Variants in RTN4RL1 observed in about 807,000 individuals in gnomAD.
The protein encoded by RTN4RL1 is reticulon-4 receptor-like 1.
In RTN4RL1, 7 loss-of-function variants were observed where a neutral mutation model predicts 25.6. That is an observed-to-expected ratio of 0.27 (90% CI 0.16 to 0.51). The LOEUF (loss-of-function observed/expected upper bound fraction) is 0.51, where lower values mean the gene tolerates loss of function less well. Ranked by LOEUF, RTN4RL1 falls within the 20% of genes least tolerant of loss-of-function variation. The pLI, the probability that RTN4RL1 is intolerant of heterozygous loss-of-function variation, is 0.97. For synonymous variants in RTN4RL1, 297 were observed against 288.2 expected (o/e 1.03, Z -0.31); for missense variants, 500 against 615.6 (o/e 0.81, Z 1.99).
rs148191398 is a variant in RTN4RL1 at position 1,936,786 on chromosome 17, G to A, written c.1036C>T (p.Arg346Trp). The change falls in exon 2 of 2, where the codon CGG (arginine) becomes TGG (tryptophan). Residue 346 changes from arginine to tryptophan, a missense_variant. Physicochemically the swap from Arg to Trp is moderately radical, Grantham distance 101 (BLOSUM62 -3). Transcript: ENST00000331238. ...TRSKGHPHGP[R>W]PGHRKPGKNC... ...TTCCCCGGCTTCCTGTGGCCGGGCC[G>A]GGGGCCGTGCGGGTGGCCCTTGCTC... is the stretch of plus-strand genomic sequence containing the variant. The A allele has an allele frequency of 3.7e-5, 59 of 1,588,296 alleles. No individual in the cohort carries two copies. The Middle Eastern group carries it at 6.8e-4, about 18-fold the overall frequency.
chr17:1,959,399 A>ACC (rs1164255382), intron 1 of RTN4RL1, among the ~76,000 whole-genome samples: 4 of 151,908 alleles, frequency 2.6e-5, no homozygotes, highest in Admixed American at 6.6e-5. Context: ...CTCTTCAGAG[A>ACC]CCTGGCTCTG....
chr17:2,021,176 G>T (rs1218843555), intron 1 of RTN4RL1, among the ~76,000 whole-genome samples: 2 of 152,158 alleles, frequency 1.3e-5, no homozygotes, highest in Non-Finnish European at 2.9e-5. Flanking sequence ...ATGCAAGGCA[G>T]TCCCCCTCAG....
At chr17:1,941,683 G>A (rs376355531) in intron 1 of RTN4RL1, among the ~76,000 whole-genome samples, 1 of 152,070 alleles carries the variant, frequency 6.6e-6, no homozygotes, top group Non-Finnish European at 1.5e-5. Flanking sequence ...CCCCAGGGAA[G>A]CTGTCCTTCC....
intron 1 of RTN4RL1, among the ~76,000 whole-genome samples, chr17:1,972,866 G>A (rs2066826556): frequency 6.6e-6 from 1 of 152,204 alleles, no homozygotes; most frequent in Non-Finnish European, 1.5e-5. Context: ...ACCTCCAGAG[G>A]GGACCAGGCC....
At chr17:1,948,594 C>A (rs955609643) in intron 1 of RTN4RL1, among the ~76,000 whole-genome samples, 1 of 152,070 alleles carries the variant, frequency 6.6e-6, no homozygotes, top group Non-Finnish European at 1.5e-5. Context: ...CACAGGCGGA[C>A]GGGCAGACAC....
chr17:1,968,911 A>T (rs4239067), intron 1 of RTN4RL1, among the ~76,000 whole-genome samples: 58,734 of 152,034 alleles, frequency 0.39, 11,750 homozygotes, highest in Admixed American at 0.53. Context: ...ACAAATGGAC[A>T]GTGCCAGGCC....
At chr17:1,959,599 G>C (rs1357788194) in intron 1 of RTN4RL1, among the ~76,000 whole-genome samples, 1 of 152,080 alleles carries the variant, frequency 6.6e-6, no homozygotes, top group Non-Finnish European at 1.5e-5. Context: ...GAGTCTCACT[G>C]TGTCACCCAG....
chr17:2,016,398 A>G (rs34433502), intron 1 of RTN4RL1, among the ~76,000 whole-genome samples: 3 of 152,086 alleles, frequency 2.0e-5, no homozygotes, highest in Non-Finnish European at 4.4e-5. Context: ...AAAACAAAAA[A>G]CAAAAAAAAA....
At position 1,971,979 on chromosome 17, in the gene RTN4RL1, A is replaced by T. The variant is rs913203900; in HGVS notation, c.14-34171T>A. Among the ~76,000 whole-genome samples, 30 of 146,696 alleles carry T rather than the reference A, an allele frequency of 2.0e-4. 1 individual carries two copies. Among genetic ancestry groups the T allele is most frequent in the South Asian group, 1.1e-3 (5 of 4,666 alleles). On this transcript the variant is annotated intron_variant, in intron 1 of 1. Coordinates refer to ENST00000331238, the MANE Select transcript of RTN4RL1 (RefSeq NM_178568.4). ...TCCCTCTCAAAAAAAAAAAAAAAAAATTTTAAACATTAGCCAGGTGTGGTG... is the reference window on the plus strand; with the variant it reads ...TCCCTCTCAAAAAAAAAAAAAAAAATTTTTAAACATTAGCCAGGTGTGGTG...
At chr17:1,941,519 C>T (rs998728036) in intron 1 of RTN4RL1, among the ~76,000 whole-genome samples, 2 of 152,084 alleles carry the variant, frequency 1.3e-5, no homozygotes, top group Non-Finnish European at 2.9e-5. Flanking sequence ...GGGCGGGGGC[C>T]GGGCAACAAG....
intron 1 of RTN4RL1, among the ~76,000 whole-genome samples, chr17:1,949,871 G>A (rs1350225860): frequency 2.0e-5 from 3 of 152,222 alleles, no homozygotes; most frequent in Admixed American, 6.5e-5. Context: ...CTCCCTGGGC[G>A]ACTTCTGAAT....
chr17:1,937,849 AG>A, intron 1 of RTN4RL1, 41 bp from the exon 2 acceptor site: 1 of 1,474,404 alleles, frequency 6.8e-7, no homozygotes, highest in Non-Finnish European at 9.2e-7. Context: ...GGGGCCGTGC[AG>A]GTGAGGACTG....
intron 1 of RTN4RL1, among the ~76,000 whole-genome samples, chr17:1,967,850 A>G (rs1277751756): frequency 6.6e-6 from 1 of 152,158 alleles, no homozygotes; most frequent in Non-Finnish European, 1.5e-5. Flanking sequence ...CATGTTGGCC[A>G]GGCTGGTCTC....
intron 1 of RTN4RL1, among the ~76,000 whole-genome samples, chr17:1,956,479 G>C (rs1252844156): frequency 6.6e-6 from 1 of 152,166 alleles, no homozygotes; most frequent in Admixed American, 6.5e-5. Context: ...AGTCTAGGCT[G>C]AGGGCCTGGG....
At chr17:1,993,866 A>G (rs1206423245) in intron 1 of RTN4RL1, among the ~76,000 whole-genome samples, 1 of 152,178 alleles carries the variant, frequency 6.6e-6, no homozygotes, top group African/African-American at 2.4e-5. Context: ...CACAGCTTCA[A>G]ATTACTTTTG....
chr17:1,972,885 C>T (rs571182156), intron 1 of RTN4RL1, among the ~76,000 whole-genome samples: 1 of 152,316 alleles, frequency 6.6e-6, no homozygotes, highest in Admixed American at 6.5e-5. Context: ...CCAGAGAGAG[C>T]CTGGCTGGAG....
chr17:1,974,140 C>G (rs1423645726), intron 1 of RTN4RL1, among the ~76,000 whole-genome samples: 1 of 151,554 alleles, frequency 6.6e-6, no homozygotes, highest in East Asian at 1.9e-4. Context: ...ATAAAACTTT[C>G]CAGCCTGGGC....
At chr17:1,976,733 G>A (rs895491005) in intron 1 of RTN4RL1, among the ~76,000 whole-genome samples, 3 of 152,202 alleles carry the variant, frequency 2.0e-5, no homozygotes, top group Non-Finnish European at 4.4e-5. Flanking sequence ...CCCAGCTCAC[G>A]GGGCAGGGAG....
chr17:1,980,518 C>A (rs1212627170), intron 1 of RTN4RL1, among the ~76,000 whole-genome samples: 2 of 152,106 alleles, frequency 1.3e-5, no homozygotes, highest in Admixed American at 6.6e-5. Flanking sequence ...CTTGGCTCTG[C>A]CCTGGGTATT....
Sources: allele counts gnomAD v4.1 joint callset (sites outside exome capture counted in the v4.1 genomes callset), GRCh38; gene constraint gnomAD v4.1.1; transcripts MANE v1.5; gene names NCBI Gene and HGNC (gene_info 2026-07-23, HGNC 2026-07-21).